GPHN: variants seen among roughly 807,000 people sequenced by gnomAD.
GPHN encodes the protein gephyrin.
In GPHN, 17 loss-of-function variants were observed where a neutral mutation model predicts 95.5. The ratio of observed to expected loss-of-function variants is 0.18; its 90% confidence interval spans 0.12 to 0.27. The LOEUF (loss-of-function observed/expected upper bound fraction) is 0.27, where lower values mean the gene tolerates loss of function less well. GPHN is among the 10% of genes least tolerant of loss of function. The pLI, the probability that GPHN is intolerant of heterozygous loss-of-function variation, is 1.00. For missense variants in GPHN, 660 were observed against 978.1 expected, an observed-to-expected ratio of 0.67 and a Z score of 4.34; for synonymous variants, 320 against 322.5, an observed-to-expected ratio of 0.99 and a Z score of 0.08.
At chr14:67,531,744 A>ATT in the GPHN span, among the ~76,000 whole-genome samples, 5 of 131,136 alleles carry the variant, frequency 3.8e-5, no homozygotes, top group East Asian at 2.2e-4. Context: ...AAAAAAAAAA[A>ATT]TTTTTTTTTT....
intron 4 of GPHN, among the ~76,000 whole-genome samples, chr14:66,872,817 C>G (rs558211273): frequency 1.3e-5 from 2 of 151,710 alleles, no homozygotes; most frequent in Non-Finnish European, 2.9e-5. Context: ...AACACTTGAA[C>G]CCGGGAGACG....
intron 2 of GPHN, among the ~76,000 whole-genome samples, chr14:66,755,158 A>G (rs1014580936): frequency 1.3e-5 from 2 of 152,088 alleles, no homozygotes; most frequent in Admixed American, 1.3e-4. Context: ...ATAAAGGTAT[A>G]GAGAGTATCG....
At chr14:67,451,570 C>T in the GPHN span, among the ~76,000 whole-genome samples, 1 of 152,212 alleles carries the variant, frequency 6.6e-6, no homozygotes, top group African/African-American at 2.4e-5. Context: ...CTTTGACTGC[C>T]CCACTGGATT....
chr14:66,657,760 T>TA (rs919279306), intron 1 of GPHN, among the ~76,000 whole-genome samples: 4 of 152,010 alleles, frequency 2.6e-5, no homozygotes, highest in East Asian at 3.9e-4. Context: ...AAAAATAGAT[T>TA]AAAAAAAATA....
intron 9 of GPHN, among the ~76,000 whole-genome samples, chr14:66,976,266 G>A (rs2070213915): frequency 6.6e-6 from 1 of 152,168 alleles, no homozygotes; most frequent in Non-Finnish European, 1.5e-5. Context: ...ATAGGGAAGT[G>A]AACTGTTGAA....
At chr14:66,864,631 G>A (rs2063159203) in intron 4 of GPHN, among the ~76,000 whole-genome samples, 1 of 152,038 alleles carries the variant, frequency 6.6e-6, no homozygotes, top group Non-Finnish European at 1.5e-5. Flanking sequence ...AAATTAACCG[G>A]GCATGGTGGC....
chr14:66,591,515 G>C (rs2061647662), intron 1 of GPHN, among the ~76,000 whole-genome samples: 2 of 143,246 alleles, frequency 1.4e-5, no homozygotes, highest in African/African-American at 5.6e-5. Flanking sequence ...ATCAATAATA[G>C]AGAAACAGAG....
intron 2 of GPHN, among the ~76,000 whole-genome samples, chr14:66,720,124 A>G (rs1043662773): frequency 1.3e-5 from 2 of 152,198 alleles, no homozygotes; most frequent in African/African-American, 4.8e-5. Context: ...ATTAAATTTT[A>G]TAATTATGAA....
At chr14:66,625,890 G>T (rs2063508564) in intron 1 of GPHN, among the ~76,000 whole-genome samples, 1 of 152,164 alleles carries the variant, frequency 6.6e-6, no homozygotes, top group Non-Finnish European at 1.5e-5. Context: ...GCTTTTCTAT[G>T]TAATAGGACA....
chr14:67,084,062 C>G (rs953101210), intron 11 of GPHN, among the ~76,000 whole-genome samples: 6 of 152,146 alleles, frequency 3.9e-5, no homozygotes, highest in African/African-American at 1.4e-4. Context: ...ATGATATATA[C>G]TGTGACAACA....
the GPHN span, among the ~76,000 whole-genome samples, chr14:67,617,931 C>G: frequency 1.3e-5 from 2 of 152,082 alleles, no homozygotes; most frequent in Non-Finnish European, 2.9e-5. Context: ...GTTGGTCAGG[C>G]TGGTCTCAAA....
the GPHN span, among the ~76,000 whole-genome samples, chr14:67,309,699 A>G: frequency 6.6e-6 from 1 of 152,204 alleles, no homozygotes; most frequent in Non-Finnish European, 1.5e-5. Flanking sequence ...CTCTCAGGGT[A>G]GTAGTTCCCT....
the GPHN span, among the ~76,000 whole-genome samples, chr14:67,372,545 T>A: frequency 6.6e-6 from 1 of 152,168 alleles, no homozygotes; most frequent in Non-Finnish European, 1.5e-5. Context: ...AAATCCTGTA[T>A]CTAGGCTGGG....
chr14:66,858,305 G>A (rs1434347409), intron 4 of GPHN, among the ~76,000 whole-genome samples: 2 of 151,742 alleles, frequency 1.3e-5, no homozygotes, highest in Admixed American at 6.6e-5. Context: ...AGGGGACTTT[G>A]TCTTGCATTT....
intron 16 of GPHN, among the ~76,000 whole-genome samples, chr14:67,116,261 CAAAGAAAGAAAAGAA>C (rs1170949796): frequency 5.0e-5 from 5 of 100,882 alleles, no homozygotes; most frequent in East Asian, 5.1e-4. Context: ...CAGAGTGAGA[CAAAGAAAGAAAAGAA>C]AAAGAAAGAA....
the GPHN span, among the ~76,000 whole-genome samples, chr14:67,693,353 C>G: frequency 6.6e-6 from 1 of 152,170 alleles, no homozygotes; most frequent in Admixed American, 6.5e-5. Context: ...CTCTCTAAGG[C>G]ACTTGTGACT....
chr14:66,858,743 G>A (rs1596172223), intron 4 of GPHN, among the ~76,000 whole-genome samples: 1 of 151,918 alleles, frequency 6.6e-6, no homozygotes, highest in African/African-American at 2.4e-5. Flanking sequence ...CAGCATTTCT[G>A]AACCTGCCCT....
chr14:66,804,001 G>C lies in GPHN; in HGVS notation c.202-20473G>C, dbSNP rs1490909988. On this transcript the variant is annotated intron_variant, in intron 3 of 22. Coordinates refer to ENST00000478722, the MANE Select transcript of GPHN (RefSeq NM_020806.5). Reference sequence around the variant, plus strand: ...TGTAAACTTTCAATGCATCTCTTTTGGGGGTTTTTTTTGTTCTGTTTTTTC... The same window carrying C: ...TGTAAACTTTCAATGCATCTCTTTTCGGGGTTTTTTTTGTTCTGTTTTTTC... Among the ~76,000 whole-genome samples the C allele has an allele frequency of 7.6e-5, 11 of 144,372 alleles. No individual in the cohort carries two copies. In the East Asian group the frequency reaches 2.6e-3, roughly 34 times the overall value. The allele number at this position is 144,372 out of a possible 152,430, so 94.7% of individuals were successfully genotyped here.
intron 5 of GPHN, among the ~76,000 whole-genome samples, chr14:66,910,136 C>T (rs1485149517): frequency 6.6e-6 from 1 of 151,824 alleles, no homozygotes; most frequent in African/African-American, 2.4e-5. Context: ...TTTTGGGGCA[C>T]CCTGCACTAA....
Sources: allele counts gnomAD v4.1 joint callset (sites outside exome capture counted in the v4.1 genomes callset), GRCh38; gene constraint gnomAD v4.1.1; transcripts MANE v1.5; gene names NCBI Gene and HGNC (gene_info 2026-07-23, HGNC 2026-07-21).